The following TCF20 variants were observed in gnomAD, a reference collection of about 807,000 sequenced individuals.
The protein encoded by TCF20 is SPRE-binding protein.
Under a neutral mutation model 148.6 loss-of-function variants are expected in TCF20, and 3 were observed. The ratio of observed to expected loss-of-function variants is 0.02; its 90% CI spans 0.01 to 0.05. The LOEUF is 0.05. Ranked by LOEUF, TCF20 falls within the 10% of genes least tolerant of loss-of-function variation. The pLI is 1.00. For missense variants in TCF20, 2,350 were observed against 2,429.3 expected (o/e 0.97, Z 0.69); for synonymous variants, 1,049 against 909.5 (o/e 1.15, Z -2.76).
chr22:42,181,368 G>A (rs1936764485), intron 2 of TCF20, among the ~76,000 whole-genome samples: 3 of 152,010 alleles, frequency 2.0e-5, no homozygotes, highest in Admixed American at 2.0e-4. Context: ...ATTTTTAGTA[G>A]AGATGGGGTT....
At position 42,212,313 on chromosome 22, in the gene TCF20, C is replaced by T. The variant is rs753305689; in HGVS notation, c.2993G>A (p.Arg998Gln). 11 of 1,614,164 alleles carry T rather than the reference C, an allele frequency of 6.8e-6. No individual in the cohort carries two copies. The highest frequency in any genetic ancestry group is 1.6e-4 in the Middle Eastern group (1 of 6,062). The change falls in exon 2 of 6, where the codon CGG becomes CAG. Residue 998 changes from arginine (R) to glutamine (Q), a missense_variant. This residue lies in a region of TCF20 where 1,641 missense variants were observed against 1,662.6 expected (regional missense o/e 0.99). Coordinates refer to ENST00000677622, the MANE Select transcript of TCF20 (RefSeq NM_001378418.1). ...MRRVPGRVGG[R>Q]EGMRGRSPSQ... ...AGGGGACCGACCCCTCATGCCCTCC[C>T]GACCACCAACTCTGCCAGGGACCCG...
At chr22:42,241,737 G>T (rs1006138268) in intron 1 of TCF20, among the ~76,000 whole-genome samples, 3 of 152,110 alleles carry the variant, frequency 2.0e-5, no homozygotes, top group Non-Finnish European at 4.4e-5. Context: ...TAAGGCACAA[G>T]AACTGCTTGA....
At chr22:42,236,856 G>A (rs148332916) in intron 1 of TCF20, among the ~76,000 whole-genome samples, 22 of 152,094 alleles carry the variant, frequency 1.4e-4, no homozygotes, top group African/African-American at 5.3e-4. Context: ...AGTGTGAAAT[G>A]GTATTATGTC....
intron 3 of TCF20, among the ~76,000 whole-genome samples, chr22:42,175,348 TC>T (rs1936387932): frequency 6.6e-6 from 1 of 151,746 alleles, no homozygotes; most frequent in Non-Finnish European, 1.5e-5. Flanking sequence ...TAGCTCTCTT[TC>T]TTTTTCTTTT....
intron 2 of TCF20, among the ~76,000 whole-genome samples, chr22:42,208,210 CA>C (rs1267916576): frequency 6.6e-6 from 1 of 151,582 alleles, no homozygotes; most frequent in East Asian, 1.9e-4. Context: ...ATAATGTATT[CA>C]AAAAGCAAGA....
chr22:42,250,608 T>G (rs960936014), intron 1 of TCF20, among the ~76,000 whole-genome samples: 1 of 152,218 alleles, frequency 6.6e-6, no homozygotes, highest in Admixed American at 6.5e-5. Context: ...AGACCTAGTT[T>G]GTCCATCATG....
chr22:42,178,044 C>G (rs907558223), intron 3 of TCF20, among the ~76,000 whole-genome samples: 2 of 152,092 alleles, frequency 1.3e-5, no homozygotes, highest in Non-Finnish European at 2.9e-5. Flanking sequence ...TTGATTATGC[C>G]TACATGATGA....
At position 42,209,751 on chromosome 22, in the gene TCF20, A is replaced by G. The variant is rs751064182; in HGVS notation, c.5555T>C (p.Phe1852Ser). The stretch of plus-strand genomic sequence containing the variant: ...GAGAATACAACCCTCATGGACCCAA[A>G]ATTCATTGCTGTCAAGAGGTAGTTC... Reference protein sequence around the residue: ...IPELPLDSNEFWVHEGCILWA... With the variant: ...IPELPLDSNESWVHEGCILWA... Residue 1852 changes from phenylalanine (F) to serine (S), a missense_variant, in exon 2 of 6, where the codon TTT (phenylalanine) becomes TCT (serine). Around this residue, in one of 7 missense-constraint regions of TCF20, gnomAD observed 374 missense variants for 398.3 expected, o/e 0.94. Transcript: ENST00000677622. 4 of 1,614,200 alleles carry G rather than the reference A, an allele frequency of 2.5e-6. No individual in the cohort carries two copies. The highest frequency in any genetic ancestry group is 3.4e-6 in the Non-Finnish European group (4 of 1,180,034).
At chr22:42,240,731 G>A (rs181989099) in intron 1 of TCF20, among the ~76,000 whole-genome samples, 29 of 152,210 alleles carry the variant, frequency 1.9e-4, no homozygotes, top group African/African-American at 5.8e-4. Context: ...TCACCCCAGC[G>A]AACCTGTGAA....
chr22:42,173,321 A>G (rs1936246864), intron 3 of TCF20, among the ~76,000 whole-genome samples: 2 of 151,940 alleles, frequency 1.3e-5, no homozygotes, highest in Non-Finnish European at 2.9e-5. Context: ...TGCCTATGAC[A>G]TAACAAGCAA....
intron 2 of TCF20, among the ~76,000 whole-genome samples, chr22:42,188,293 C>CCAAAAAAAAAA (rs1937147114): frequency 2.0e-5 from 1 of 49,470 alleles, no homozygotes; most frequent in Non-Finnish European, 4.3e-5. Flanking sequence ...AACTCCGTCT[C>CCAAAAAAAAAA]AAAAAAAAAA....
At chr22:42,194,228 T>C (rs1166589132) in intron 2 of TCF20, among the ~76,000 whole-genome samples, 1 of 152,192 alleles carries the variant, frequency 6.6e-6, no homozygotes, top group Non-Finnish European at 1.5e-5. Context: ...AGATTTTTTG[T>C]TGGCATATTC....
chr22:42,327,099 G>A (rs1263547721), intron 1 of TCF20, among the ~76,000 whole-genome samples: 1 of 152,200 alleles, frequency 6.6e-6, no homozygotes, highest in African/African-American at 2.4e-5. Context: ...TGAGGCGAGG[G>A]GCTATATCCC....
intron 1 of TCF20, among the ~76,000 whole-genome samples, chr22:42,242,599 C>T (rs1249080947): frequency 6.6e-6 from 1 of 151,650 alleles, no homozygotes; most frequent in African/African-American, 2.4e-5. Flanking sequence ...GAAGATCTCT[C>T]TACCCGGCCA....
intron 1 of TCF20, among the ~76,000 whole-genome samples, chr22:42,322,401 G>A (rs2147050444): frequency 6.6e-6 from 1 of 151,896 alleles, no homozygotes; most frequent in Non-Finnish European, 1.5e-5. Context: ...AGGAGAAGGG[G>A]GTCTGCTGGA....
chr22:42,172,388 G>A (rs1478890036), intron 3 of TCF20, among the ~76,000 whole-genome samples: 1 of 152,192 alleles, frequency 6.6e-6, no homozygotes, highest in African/African-American at 2.4e-5. Context: ...AGCCAGTCAA[G>A]GTCTCTCAAT....
chr22:42,288,710 T>C (rs1927077202), upstream of TCF20, among the ~76,000 whole-genome samples: 1 of 118,846 alleles, frequency 8.4e-6, no homozygotes, highest in Admixed American at 8.8e-5. Context: ...TTTGAGACCC[T>C]GTATCAAAAA....
intron 1 of TCF20, among the ~76,000 whole-genome samples, chr22:42,222,493 C>G (rs1009598457): frequency 3.3e-5 from 5 of 152,110 alleles, no homozygotes; most frequent in African/African-American, 1.2e-4. Context: ...ATCACACCCC[C>G]CCATAGGCCC....
At position 42,270,376 on chromosome 22, in the gene TCF20, G is replaced by C. The variant is rs1351805726; in HGVS notation, c.-74C>G. 1.3e-5 allele frequency among the ~76,000 whole-genome samples: 2 copies of C among 151,124 alleles called. No individual in the cohort carries two copies. The highest frequency in any genetic ancestry group is 4.8e-5 in the African/African-American group (2 of 41,276). ...CCCGCCCAGTCCCTCGGCCTCCGCC[G>C]GGGGCGGGCGGGGAGGGAGCGGTGG... is the stretch of plus-strand genomic sequence containing the variant. On this transcript the variant is annotated 5_prime_UTR_variant, in exon 1 of 6. Transcript: ENST00000677622.
Sources: allele counts gnomAD v4.1 joint callset (sites outside exome capture counted in the v4.1 genomes callset), GRCh38; gene constraint gnomAD v4.1.1; regional missense constraint gnomAD v4.1.1; transcripts MANE v1.5; gene names NCBI Gene and HGNC (gene_info 2026-07-23, HGNC 2026-07-21).